Variants in NLGN4X observed in about 807,000 individuals in gnomAD.
NLGN4X encodes neuroligin-4, X-linked.
Under a neutral mutation model 40.3 loss-of-function variants are expected in NLGN4X, and 3 were observed. The observed-to-expected ratio is 0.07, with a 90% CI of 0.03 to 0.19. The LOEUF (loss-of-function observed/expected upper bound fraction) is 0.19, where lower values mean the gene tolerates loss of function less well. Ranked by LOEUF, NLGN4X falls within the 10% of genes least tolerant of loss-of-function variation. NLGN4X has a pLI of 1.00. For missense variants in NLGN4X, 382 were observed against 708.3 expected, an observed-to-expected ratio of 0.54 and a Z score of 5.23; for synonymous variants, 270 against 306.8, an observed-to-expected ratio of 0.88 and a Z score of 1.25.
chrX:5,952,080 A>G (rs1049841355), intron 3 of NLGN4X, among the ~76,000 whole-genome samples: 1 of 111,766 alleles, frequency 8.9e-6, no homozygotes, highest in East Asian at 2.8e-4. Context: ...AGGAATAGCA[A>G]CTCCACTTTT....
intron 1 of NLGN4X, among the ~76,000 whole-genome samples, chrX:6,161,390 A>G (rs1394874776): frequency 2.1e-5 from 2 of 94,820 alleles, no homozygotes; most frequent in Admixed American, 1.3e-4. Flanking sequence ...AATATAGGAT[A>G]TAAAATATAT....
chrX:6,212,243 TAA>T (rs746048703), intron 1 of NLGN4X, among the ~76,000 whole-genome samples: 10 of 95,435 alleles, frequency 1.0e-4, no homozygotes, highest in Admixed American at 1.2e-4. Flanking sequence ...AGACTCCATT[TAA>T]AAAAAAAAAA....
intron 2 of NLGN4X, among the ~76,000 whole-genome samples, chrX:6,129,645 G>T (rs185115426): frequency 4.1e-4 from 45 of 111,000 alleles, no homozygotes; most frequent in Admixed American, 1.5e-3. Context: ...TCCATTATGT[G>T]ACAATAAACA....
At chrX:6,210,380 G>A (rs1218803198) in intron 1 of NLGN4X, among the ~76,000 whole-genome samples, 1 of 110,409 alleles carries the variant, frequency 9.1e-6, no homozygotes, top group African/African-American at 3.3e-5. Context: ...AGGCTGAGGT[G>A]GGAAGATTGC....
At chrX:5,925,901 T>TAC (rs1360958740) in intron 3 of NLGN4X, among the ~76,000 whole-genome samples, 3 of 36,365 alleles carry the variant, frequency 8.2e-5, no homozygotes, top group African/African-American at 3.2e-4. Context: ...TATATATATA[T>TAC]ATATATATAT....
rs140700235 is a variant in NLGN4X, at chrX:5,890,767, T to C, written c.*2050A>G. The C allele has an allele frequency of 2.6e-3, 770 of 298,382 alleles. 5 individuals are homozygous for C. Among genetic ancestry groups the C allele is most frequent in the East Asian group, 0.023 (229 of 10,035 alleles). 24.6% of individuals were successfully genotyped at this position (298,382 alleles called of 1,213,427 possible). A position where few individuals can be genotyped will look rare whatever the true frequency, so the allele number is the denominator to read the frequency against. ...ATTTCACATATTTATATACAGAGAA[T>C]CACTCTCAAATTTAACCCAAGATAA... On this transcript the variant is annotated 3_prime_UTR_variant, in exon 6 of 6. Coordinates refer to ENST00000381095, the MANE Select transcript of NLGN4X (RefSeq NM_181332.3).
chrX:6,005,764 G>A (rs1041857008), intron 3 of NLGN4X, among the ~76,000 whole-genome samples: 1 of 111,176 alleles, frequency 9.0e-6, no homozygotes, highest in Non-Finnish European at 1.9e-5. Flanking sequence ...ATCGCAGGAA[G>A]AAAGAATGAA....
In NLGN4X at chrX:6,121,179, CAT is replaced by C. The variant is rs1491457059; in HGVS notation, c.472+29814_472+29815del. On this transcript the variant is annotated intron_variant, in intron 2 of 5. Coordinates refer to ENST00000381095, the MANE Select transcript of NLGN4X (RefSeq NM_181332.3). The stretch of plus-strand genomic sequence containing the variant: ...ACACACACACACACACACACACACA[CAT>C]ATATATCGCCTCAATGGCAGAAGAA... Among the ~76,000 whole-genome samples, 24 of 89,384 alleles carry C rather than the reference CAT, an allele frequency of 2.7e-4. No homozygotes were observed. In the South Asian group the frequency reaches 4.1e-3, roughly 15 times the overall value. The allele number at this position is 89,384 out of a possible 115,157, so 77.6% of individuals were successfully genotyped here.
At chrX:5,897,805 G>A (rs1397795078) in intron 5 of NLGN4X, among the ~76,000 whole-genome samples, 4 of 111,749 alleles carry the variant, frequency 3.6e-5, no homozygotes, top group South Asian at 7.6e-4. Flanking sequence ...TAAGATGGGA[G>A]AGCCCTCTCA....
chrX:6,133,618 A>G (rs1008094432), intron 2 of NLGN4X, among the ~76,000 whole-genome samples: 4 of 111,975 alleles, frequency 3.6e-5, no homozygotes, highest in African/African-American at 1.3e-4. Context: ...TGCCATCAAT[A>G]TCACCTCTAA....
intron 3 of NLGN4X, among the ~76,000 whole-genome samples, chrX:5,953,516 C>T (rs999859365): frequency 7.2e-5 from 8 of 111,601 alleles, no homozygotes; most frequent in African/African-American, 2.6e-4. Flanking sequence ...TGATGAATGC[C>T]CCAATTACCC....
chrX:6,041,374 A>G (rs1376115479), intron 2 of NLGN4X, among the ~76,000 whole-genome samples: 2 of 112,122 alleles, frequency 1.8e-5, no homozygotes, highest in Non-Finnish European at 3.8e-5. Context: ...TTATGTAGCA[A>G]AAGCTAACTG....
At chrX:6,175,440 G>A (rs375110571) in intron 1 of NLGN4X, among the ~76,000 whole-genome samples, 3 of 109,539 alleles carry the variant, frequency 2.7e-5, no homozygotes, top group Non-Finnish European at 3.8e-5. Context: ...CCCACATATC[G>A]TCATAAAGCA....
At chrX:5,968,455 CTCTG>C (rs1165733375) in intron 3 of NLGN4X, among the ~76,000 whole-genome samples, 11 of 27,643 alleles carry the variant, frequency 4.0e-4, no homozygotes, top group African/African-American at 1.4e-3. Flanking sequence ...CTCTCTCTCT[CTCTG>C]TGTGTGTGTG....
At chrX:6,140,683 T>C (rs1056079518) in intron 2 of NLGN4X, among the ~76,000 whole-genome samples, 1 of 110,000 alleles carries the variant, frequency 9.1e-6, no homozygotes, top group African/African-American at 3.3e-5. Context: ...GCACAAGTGA[T>C]CCTCCCGCCT....
chrX:6,041,259 A>G (rs2037149375), intron 2 of NLGN4X, among the ~76,000 whole-genome samples: 1 of 111,681 alleles, frequency 9.0e-6, no homozygotes, highest in Non-Finnish European at 1.9e-5. Context: ...CTCCCAGCTG[A>G]GCACAGCCCA....
chrX:6,045,418 C>T (rs1005052442), intron 2 of NLGN4X, among the ~76,000 whole-genome samples: 15 of 111,611 alleles, frequency 1.3e-4, no homozygotes, highest in African/African-American at 2.9e-4. Flanking sequence ...AATCTTAACA[C>T]GTTCTGATTA....
chrX:5,934,282 T>C lies in NLGN4X; in HGVS notation c.626-25043A>G, dbSNP rs765021238. 1.2e-4 allele frequency among the ~76,000 whole-genome samples: 14 copies of C among 112,094 alleles called. No homozygotes were observed. In the East Asian group the frequency reaches 3.6e-3, roughly 29 times the overall value. On this transcript the variant is annotated intron_variant, in intron 3 of 5. Transcript: ENST00000381095. ...AAGAATAGTTCATTGTGTGTGCTTATATATTCACAATATACATCTCAAGTA... is the reference window on the plus strand; with the variant it reads ...AAGAATAGTTCATTGTGTGTGCTTACATATTCACAATATACATCTCAAGTA...
chrX:5,909,268 G>A (rs2032361854), intron 3 of NLGN4X, 29 bp from the exon 4 acceptor site: 1 of 1,200,429 alleles, frequency 8.3e-7, no homozygotes, highest in Admixed American at 2.2e-5. Flanking sequence ...TATTTTTGGT[G>A]GCCAAATAGA....
Sources: gnomAD v4.1 joint callset for allele counts (sites outside exome capture counted in the v4.1 genomes callset) on GRCh38, gnomAD v4.1.1 for gene constraint, MANE v1.5 for transcripts, NCBI Gene and HGNC (gene_info 2026-07-23, HGNC 2026-07-21) for gene names.